Variants in GNA13 observed in about 807,000 individuals in gnomAD.
GNA13 encodes the protein G protein subunit alpha 13, also known as guanine nucleotide-binding protein subunit alpha-13.
Under a neutral mutation model 33.5 loss-of-function variants are expected in GNA13, and 4 were observed. That is an observed-to-expected ratio of 0.12 (90% CI 0.06 to 0.27). The LOEUF is 0.27. Ranked by LOEUF, GNA13 falls within the 10% of genes least tolerant of loss-of-function variation. The probability of loss-of-function intolerance (pLI) is 1.00; values close to 1 mark genes in which losing one functional copy is unlikely to be tolerated. For synonymous variants in GNA13, 176 were observed against 183.8 expected (o/e 0.96, Z 0.34); for missense variants, 319 against 487.2 (o/e 0.65, Z 3.25).
chr17:65,047,833 T>C (rs1907721563), intron 2 of GNA13, among the ~76,000 whole-genome samples: 2 of 151,864 alleles, frequency 1.3e-5, no homozygotes, highest in South Asian at 4.2e-4. Flanking sequence ...AATAAATAAA[T>C]AAAAAAAATT....
chr17:65,020,654 A>T (rs1433483961), intron 2 of GNA13, among the ~76,000 whole-genome samples: 35 of 144,686 alleles, frequency 2.4e-4, no homozygotes, highest in African/African-American at 7.8e-4. Flanking sequence ...ACTGAAGGGA[A>T]TTTTTTTTTT....
chr17:65,056,618 G>A lies in GNA13; in HGVS notation c.-25C>T. ...TCTTGCCGCCGCCGCCGCCGCCTCG[G>A]CGGGCCCCTCCGGCTCCCTCCACCT... is the stretch of plus-strand genomic sequence containing the variant. On this transcript the variant is annotated 5_prime_UTR_variant, in exon 1 of 4. Transcript: ENST00000439174. 1 of 1,571,612 alleles carries A rather than the reference G, an allele frequency of 6.4e-7. No individual in the cohort carries two copies. Among genetic ancestry groups the A allele is most frequent in the Non-Finnish European group, 8.6e-7 (1 of 1,156,110 alleles).
At chr17:65,041,546 ACCT>A (rs1477226234) in intron 2 of GNA13, among the ~76,000 whole-genome samples, 1 of 152,152 alleles carries the variant, frequency 6.6e-6, no homozygotes, top group East Asian at 1.9e-4. Flanking sequence ...GAATTTTTTT[ACCT>A]TGGAAATGAA....
intron 2 of GNA13, among the ~76,000 whole-genome samples, chr17:65,019,272 T>A (rs1333152700): frequency 2.0e-5 from 3 of 152,098 alleles, no homozygotes; most frequent in Non-Finnish European, 4.4e-5. Context: ...AATTTTTTGG[T>A]CTCAAGATCA....
intron 2 of GNA13, chr17:65,053,266 G>C (rs1008323354): frequency 1.9e-5 from 9 of 477,404 alleles, no homozygotes; most frequent in Non-Finnish European, 3.3e-5. Flanking sequence ...ATTCATTTAT[G>C]TTTCATATAT....
rs988630530 is a variant in GNA13 at position 65,013,243 on chromosome 17, C to T, written c.*1014G>A. ...CTTAGCAAACTCCAAATAAACAAAA[C>T]GATGCCACAAATGGCACAGTGTGGA... On this transcript the variant is annotated 3_prime_UTR_variant, in exon 4 of 4. Transcript: ENST00000439174. The T allele has an allele frequency of 1.4e-5, 3 of 207,968 alleles. No homozygotes were observed. The highest frequency in any genetic ancestry group is 2.9e-5 in the Non-Finnish European group (3 of 102,132). 12.9% of individuals were successfully genotyped at this position (207,968 alleles called of 1,614,324 possible).
intron 2 of GNA13, chr17:65,051,932 T>G (rs867065602): frequency 6.6e-6 from 1 of 152,228 alleles, no homozygotes; most frequent in Non-Finnish European, 1.5e-5. Flanking sequence ...CAAATGCTAG[T>G]TGAATGACAG....
rs1013068490 is a variant in GNA13, at chr17:65,029,122, T to C, written c.511-10819A>G. Among the ~76,000 whole-genome samples the C allele has an allele frequency of 1.2e-4, 18 of 152,206 alleles. 1 individual carries two copies. The highest frequency in any genetic ancestry group is 1.5e-5 in the Non-Finnish European group (1 of 68,046). On this transcript the variant is annotated intron_variant, in intron 2 of 3. Transcript: ENST00000439174. ...GAGTCAAAAAGTATTTACCAAGAAC[T>C]ACCTAAAACAGGAGAAATATAATAG... is the stretch of plus-strand genomic sequence containing the variant.
chr17:65,054,940 G>C (rs970521250), intron 1 of GNA13, among the ~76,000 whole-genome samples: 1 of 152,096 alleles, frequency 6.6e-6, no homozygotes, highest in African/African-American at 2.4e-5. Context: ...TTTAACTGCA[G>C]AGGTACTAGG....
intron 2 of GNA13, among the ~76,000 whole-genome samples, chr17:65,028,106 G>T (rs1226630038): frequency 2.0e-5 from 3 of 152,188 alleles, no homozygotes; most frequent in African/African-American, 7.2e-5. Flanking sequence ...GGTGCCTGTA[G>T]TCCCAGCTAC....
chr17:65,041,788 A>C (rs1035587248), intron 2 of GNA13, among the ~76,000 whole-genome samples: 3 of 152,202 alleles, frequency 2.0e-5, no homozygotes, highest in African/African-American at 7.2e-5. Context: ...CAGCAGGAAG[A>C]TAAATGACTT....
Position 65,014,556 on chromosome 17 carries a change from G to A in GNA13, c.835C>T (p.Arg279Trp), listed in dbSNP as rs1906296680. Residue 279 changes from arginine to tryptophan, a missense_variant, in exon 4 of 4, where the codon CGG (arginine) becomes TGG (tryptophan). By Grantham distance (101) the Arg-to-Trp change is moderately radical (BLOSUM62 -3). Transcript: ENST00000439174. This position sits in a 1 kb window ranked among gnomAD's most constrained non-coding sequence, Gnocchi z 5.3. The part of the protein sequence containing the change: ...LNIFETIVNN[R>W]VFSNVSIILF... ...ATTATGGAGACATTGCTGAAAACCC[G>A]GTTATTGACGATTGTTTCAAAAATG... The A allele has an allele frequency of 1.2e-6, 2 of 1,614,102 alleles. No homozygotes were observed. The highest frequency in any genetic ancestry group is 1.7e-6 in the Non-Finnish European group (2 of 1,179,976).
chr17:65,024,009 G>C (rs1458178758), intron 2 of GNA13, among the ~76,000 whole-genome samples: 1 of 152,190 alleles, frequency 6.6e-6, no homozygotes, highest in East Asian at 1.9e-4. Context: ...CCAGCACTTT[G>C]GGAGGACGCC....
At chr17:65,031,919 AGAGTGTGT>A (rs1400140401) in intron 2 of GNA13, among the ~76,000 whole-genome samples, 1,306 of 125,440 alleles carry the variant, frequency 0.01, 15 homozygotes, top group African/African-American at 0.038. Context: ...AGAGAGAGAG[AGAGTGTGT>A]GTGTGTGTGT....
intron 2 of GNA13, among the ~76,000 whole-genome samples, chr17:65,028,168 G>T (rs1364052601): frequency 6.6e-6 from 1 of 152,252 alleles, no homozygotes; most frequent in Non-Finnish European, 1.5e-5. Context: ...GGAGCTTGCA[G>T]TGAGCTGAGA....
chr17:65,054,008 A>G (rs1421963564), intron 1 of GNA13, among the ~76,000 whole-genome samples: 1 of 152,210 alleles, frequency 6.6e-6, no homozygotes, highest in Non-Finnish European at 1.5e-5. Flanking sequence ...AATAACTTCT[A>G]GGATAGAAGG....
At chr17:65,028,038 C>A (rs1042248352) in intron 2 of GNA13, among the ~76,000 whole-genome samples, 9 of 151,882 alleles carry the variant, frequency 5.9e-5, no homozygotes, top group Non-Finnish European at 1.0e-4. Flanking sequence ...GGAGATCGAG[C>A]TCACGGTGAA....
chr17:65,044,259 T>G (rs1249250708), intron 2 of GNA13, among the ~76,000 whole-genome samples: 2 of 152,234 alleles, frequency 1.3e-5, no homozygotes, highest in African/African-American at 4.8e-5. Flanking sequence ...TAAAGTTCAG[T>G]TCTCAAAACA....
intron 2 of GNA13, among the ~76,000 whole-genome samples, chr17:65,027,560 CTTGTT>C (rs760313613): frequency 6.6e-6 from 1 of 152,164 alleles, no homozygotes; most frequent in Admixed American, 6.5e-5. Context: ...CATCTGTGTA[CTTGTT>C]TTATTTCCTT....
Sources: gnomAD v4.1 joint callset for allele counts (sites outside exome capture counted in the v4.1 genomes callset) on GRCh38, gnomAD v4.1.1 for gene constraint, Gnocchi (gnomAD v3.1) non-coding constraint, MANE v1.5 for transcripts, NCBI Gene and HGNC (gene_info 2026-07-23, HGNC 2026-07-21) for gene names.